PDZRN4: variants seen among roughly 807,000 people sequenced by gnomAD.
PDZRN4 encodes the protein PDZ domain-containing RING finger protein 4.
PDZRN4 carries 70 observed loss-of-function variants against 99.0 expected under a neutral mutation model. That is an observed-to-expected ratio of 0.71 (90% confidence interval 0.58 to 0.86). The LOEUF (loss-of-function observed/expected upper bound fraction) is 0.86. Ranked by LOEUF, PDZRN4 falls within the 40% of genes least tolerant of loss-of-function variation. The pLI is 0.00. For missense variants in PDZRN4, 1,474 were observed against 1,331.2 expected (o/e 1.11, Z -1.67); for synonymous variants, 551 against 501.6 (o/e 1.10, Z -1.32).
intron 3 of PDZRN4, among the ~76,000 whole-genome samples, chr12:41,321,650 T>C (rs1330909396): frequency 6.6e-6 from 1 of 152,200 alleles, no homozygotes; most frequent in Non-Finnish European, 1.5e-5. Flanking sequence ...GTTTGTTTGT[T>C]TTGGTTTTGG....
At position 41,573,597 on chromosome 12, in the gene PDZRN4, T is replaced by C; in HGVS notation, c.2818T>C (p.Tyr940His). Residue 940 changes from tyrosine (Y) to histidine (H), a missense_variant, in exon 10 of 10, where the codon TAC (tyrosine) becomes CAC (histidine). By Grantham distance (83) the Tyr-to-His change is moderately conservative. Coordinates refer to ENST00000402685, the MANE Select transcript of PDZRN4 (RefSeq NM_001164595.2). ...DTMSEMKMGRYWSKEERKQHL... is the reference protein window; with the variant it reads ...DTMSEMKMGRHWSKEERKQHL... ...CATGAGCGAGATGAAAATGGGGCGC[T>C]ACTGGAGCAAAGAGGAGAGAAAGCA... The C allele has an allele frequency of 6.2e-7, 1 of 1,613,056 alleles. No homozygotes were observed. Among genetic ancestry groups the C allele is most frequent in the Non-Finnish European group, 8.5e-7 (1 of 1,179,748 alleles).
intron 3 of PDZRN4, among the ~76,000 whole-genome samples, chr12:41,287,359 A>T (rs1023123111): frequency 1.3e-5 from 2 of 152,216 alleles, no homozygotes; most frequent in African/African-American, 2.4e-5. Flanking sequence ...TCAAAATTGT[A>T]TCAAGTGAAT....
At chr12:41,450,815 C>T (rs1406776687) in intron 3 of PDZRN4, among the ~76,000 whole-genome samples, 1 of 152,016 alleles carries the variant, frequency 6.6e-6, no homozygotes, top group Admixed American at 6.6e-5. Flanking sequence ...TTACTTTCAG[C>T]TACGTGGGAG....
At chr12:41,467,830 T>A (rs1255128946) in intron 3 of PDZRN4, among the ~76,000 whole-genome samples, 1 of 152,226 alleles carries the variant, frequency 6.6e-6, no homozygotes, top group Non-Finnish European at 1.5e-5. Flanking sequence ...GAGAAATCAC[T>A]TATTCCATGA....
intron 5 of PDZRN4, among the ~76,000 whole-genome samples, chr12:41,520,090 C>A (rs1159728719): frequency 2.6e-5 from 4 of 152,072 alleles, no homozygotes; most frequent in Non-Finnish European, 5.9e-5. Context: ...CTCTTCTCTT[C>A]CTCCACACTG....
intron 3 of PDZRN4, among the ~76,000 whole-genome samples, chr12:41,295,467 G>A (rs952727732): frequency 1.3e-5 from 2 of 151,998 alleles, no homozygotes; most frequent in South Asian, 4.2e-4. Flanking sequence ...CAAAAGAAAG[G>A]TAATTAGGAA....
intron 3 of PDZRN4, among the ~76,000 whole-genome samples, chr12:41,394,395 G>C (rs1168050463): frequency 6.6e-6 from 1 of 152,154 alleles, no homozygotes; most frequent in Non-Finnish European, 1.5e-5. Context: ...AATCTGTAAG[G>C]CTTTGTATGA....
chr12:41,198,485 A>G (rs1950793002), intron 3 of PDZRN4, among the ~76,000 whole-genome samples: 1 of 151,572 alleles, frequency 6.6e-6, no homozygotes, highest in Non-Finnish European at 1.5e-5. Flanking sequence ...TTTTTAGTGT[A>G]TATATTAAAA....
intron 3 of PDZRN4, among the ~76,000 whole-genome samples, chr12:41,204,626 C>A (rs1262827110): frequency 6.6e-6 from 1 of 151,998 alleles, no homozygotes; most frequent in East Asian, 1.9e-4. Flanking sequence ...CTACCAAACA[C>A]TTATAAAACC....
intron 3 of PDZRN4, among the ~76,000 whole-genome samples, chr12:41,488,535 T>C (rs1345026641): frequency 1.3e-5 from 2 of 152,138 alleles, no homozygotes; most frequent in Non-Finnish European, 2.9e-5. Context: ...GCCACTGCCA[T>C]CAAAGAATAA....
At position 41,473,282 on chromosome 12, in the gene PDZRN4, T is replaced by C. The variant is rs140519194; in HGVS notation, c.844-33174T>C. ...AGGTCATAAATTATAAAGGGGGAGA[T>C]GCAAGGATTCAAAAAGAGTAATGCA... On this transcript the variant is annotated intron_variant, in intron 3 of 9. Coordinates refer to ENST00000402685, the MANE Select transcript of PDZRN4 (RefSeq NM_001164595.2). The C allele has an allele frequency of 1.5e-4, 23 of 152,158 alleles. No homozygotes were observed. In the East Asian group the frequency reaches 2.9e-3, roughly 19 times the overall value. The allele number at this position is 152,158 out of a possible 1,614,324, so 9.4% of individuals were successfully genotyped here. A position where few individuals can be genotyped will look rare whatever the true frequency, so the allele number is the denominator to read the frequency against.
intron 9 of PDZRN4, among the ~76,000 whole-genome samples, chr12:41,569,914 C>T (rs938369737): frequency 2.6e-5 from 4 of 152,090 alleles, no homozygotes; most frequent in Non-Finnish European, 5.9e-5. Context: ...AACTTCAACA[C>T]TGGCCAAAAA....
At chr12:41,507,686 TTTCA>T (rs1938231690) in intron 4 of PDZRN4, among the ~76,000 whole-genome samples, 1 of 152,100 alleles carries the variant, frequency 6.6e-6, no homozygotes, top group South Asian at 2.1e-4. Context: ...CATCAGAAAT[TTTCA>T]AAAGTCTCCC....
At chr12:41,354,564 G>T (rs1345427555) in intron 3 of PDZRN4, among the ~76,000 whole-genome samples, 1 of 151,950 alleles carries the variant, frequency 6.6e-6, no homozygotes, top group Non-Finnish European at 1.5e-5. Flanking sequence ...ATTCATAAAT[G>T]AAGGAGAACA....
Position 41,552,768 on chromosome 12 carries a change from T to C in PDZRN4, c.1302+14T>C. On this transcript the variant is annotated intron_variant, in intron 6 of 9. Transcript: ENST00000402685. Reference sequence around the variant, plus strand: ...TATGTCAGCGAGGTAAGAAACGCCATGGAGGGGAAATTCGAGGAGGGAGAC... The same window carrying C: ...TATGTCAGCGAGGTAAGAAACGCCACGGAGGGGAAATTCGAGGAGGGAGAC... 2 of 1,597,446 alleles carry C rather than the reference T, an allele frequency of 1.3e-6. No homozygotes were observed. Among genetic ancestry groups the C allele is most frequent in the South Asian group, 1.1e-5 (1 of 90,672 alleles).
At chr12:41,438,545 T>C (rs1478140067) in intron 3 of PDZRN4, among the ~76,000 whole-genome samples, 1 of 152,206 alleles carries the variant, frequency 6.6e-6, no homozygotes, top group East Asian at 1.9e-4. Flanking sequence ...TGCTATGTCC[T>C]GGCTGAAACA....
chr12:41,430,556 TG>T (rs1445849353), intron 3 of PDZRN4, among the ~76,000 whole-genome samples: 1 of 151,498 alleles, frequency 6.6e-6, no homozygotes, highest in Non-Finnish European at 1.5e-5. Context: ...AATAGAGGGG[TG>T]TGTGTGTGTG....
Position 41,295,150 on chromosome 12 carries a change from A to G in PDZRN4, c.843+100962A>G, listed in dbSNP as rs1301329675. Among the ~76,000 whole-genome samples the G allele has an allele frequency of 2.6e-5, 4 of 152,160 alleles. No individual in the cohort carries two copies. In the South Asian group the frequency reaches 8.3e-4, roughly 32 times the overall value. ...TTTAAATGATAAGGTCAAAATAAAG[A>G]CAATTTCAGAAATTCAAGAACTTCA... On this transcript the variant is annotated intron_variant, in intron 3 of 9. Coordinates refer to ENST00000402685, the MANE Select transcript of PDZRN4 (RefSeq NM_001164595.2).
At chr12:41,248,794 G>A (rs930932336) in intron 3 of PDZRN4, among the ~76,000 whole-genome samples, 3 of 152,034 alleles carry the variant, frequency 2.0e-5, no homozygotes, top group African/African-American at 7.2e-5. Flanking sequence ...ATAAATAATT[G>A]CATTGTAATG....
Sources: gnomAD v4.1 joint callset for allele counts (sites outside exome capture counted in the v4.1 genomes callset) on GRCh38, gnomAD v4.1.1 for gene constraint, MANE v1.5 for transcripts, NCBI Gene and HGNC (gene_info 2026-07-23, HGNC 2026-07-21) for gene names.